Variants in LRRC40 observed in about 807,000 individuals in gnomAD.
The protein encoded by LRRC40 is leucine rich repeat containing 40, also known as leucine-rich repeat-containing protein 40.
Under a neutral mutation model 72.8 loss-of-function variants are expected in LRRC40, and 76 were observed. That is an observed-to-expected ratio of 1.04 (90% CI 0.87 to 1.26). The LOEUF is 1.26. Among genes scored for constraint, LRRC40 ranks in the 50% most tolerant of loss-of-function variants. LRRC40 has a pLI of 0.00. For synonymous variants in LRRC40, 243 were observed against 254.2 expected, an observed-to-expected ratio of 0.96 and a Z score of 0.42; for missense variants, 684 against 698.9, an observed-to-expected ratio of 0.98 and a Z score of 0.24.
In LRRC40 at chr1:70,152,481, A is replaced by T; in HGVS notation, c.1391T>A (p.Ile464Lys). The change falls in exon 12 of 15, where the codon ATA (isoleucine) becomes AAA (lysine). Residue 464 changes from isoleucine (I) to lysine (K), a missense_variant. Coordinates refer to ENST00000370952, the MANE Select transcript of LRRC40 (RefSeq NM_017768.5). ...VDLSFNKLSF[I>K]SLELCVLQKL... Reference sequence around the variant, plus strand: ...CTGAAGCACACATAACTCCAAGGATATAAAGGAAAGTTTATTAAAACTGAG... The same window carrying T: ...CTGAAGCACACATAACTCCAAGGATTTAAAGGAAAGTTTATTAAAACTGAG... 6.2e-7 allele frequency: 1 copy of T among 1,608,292 alleles called. No individual in the cohort carries two copies. The highest frequency in any genetic ancestry group is 8.5e-7 in the Non-Finnish European group (1 of 1,175,228).
intron 9 of LRRC40, among the ~76,000 whole-genome samples, chr1:70,170,784 C>T (rs925962824): frequency 6.6e-5 from 10 of 152,202 alleles, no homozygotes; most frequent in Admixed American, 5.2e-4. Context: ...GGATAATATT[C>T]CCCAAACTGA....
At chr1:70,198,904 A>T (rs1668673428) in intron 1 of LRRC40, among the ~76,000 whole-genome samples, 1 of 152,182 alleles carries the variant, frequency 6.6e-6, no homozygotes, top group Non-Finnish European at 1.5e-5. Context: ...TAATCCCAGC[A>T]CTTTGGGAGG....
chr1:70,191,085 G>A (rs1285902626), intron 1 of LRRC40, among the ~76,000 whole-genome samples: 2 of 151,208 alleles, frequency 1.3e-5, no homozygotes, highest in South Asian at 2.1e-4. Context: ...ACAGAAATGT[G>A]GTCACATATA....
At chr1:70,205,349 T>A in intron 1 of LRRC40, 41 bp downstream of exon 1, 1 of 1,510,986 alleles carries the variant, frequency 6.6e-7, no homozygotes, top group Non-Finnish European at 9.0e-7. Context: ...CCAAAGGCTT[T>A]CTGACAGGAG....
At chr1:70,202,777 T>C (rs532113515) in intron 1 of LRRC40, among the ~76,000 whole-genome samples, 1 of 152,292 alleles carries the variant, frequency 6.6e-6, no homozygotes, top group South Asian at 2.1e-4. Flanking sequence ...AACTCTAAGC[T>C]GGAGACAGAG....
At chr1:70,192,588 G>A (rs1490311526) in intron 1 of LRRC40, among the ~76,000 whole-genome samples, 2 of 152,042 alleles carry the variant, frequency 1.3e-5, no homozygotes, top group Non-Finnish European at 2.9e-5. Flanking sequence ...TGACAGACTG[G>A]TTAAAGAAAA....
chr1:70,165,886 G>A (rs1014899790), intron 9 of LRRC40, among the ~76,000 whole-genome samples: 5 of 152,144 alleles, frequency 3.3e-5, no homozygotes, highest in Non-Finnish European at 7.3e-5. Flanking sequence ...CTCTAGATAC[G>A]TATGTAGATT....
intron 7 of LRRC40, among the ~76,000 whole-genome samples, chr1:70,174,502 T>C (rs1187963846): frequency 6.6e-6 from 1 of 152,028 alleles, no homozygotes; most frequent in East Asian, 1.9e-4. Flanking sequence ...ATGTTTACAA[T>C]AGCAAAAAAT....
Position 70,198,963 on chromosome 1 carries a change from T to C in LRRC40, c.151+6427A>G, listed in dbSNP as rs1668674551. ...CTCAGGAGATCAAGACCAGCCTGGG[T>C]AACATAGCAAGACCTCATCTCTACA... On this transcript the variant is annotated intron_variant, in intron 1 of 14. Transcript: ENST00000370952. Among the ~76,000 whole-genome samples, 3 of 151,920 alleles carry C rather than the reference T, an allele frequency of 2.0e-5. No homozygotes were observed. In the South Asian group the frequency reaches 6.2e-4, roughly 32 times the overall value.
At position 70,183,756 on chromosome 1, in the gene LRRC40, G is replaced by T. The variant is rs377179853; in HGVS notation, c.537+1029C>A. Among the ~76,000 whole-genome samples, 40 of 152,012 alleles carry T rather than the reference G, an allele frequency of 2.6e-4. 1 individual carries two copies. In the East Asian group the frequency reaches 6.2e-3, roughly 24 times the overall value. On this transcript the variant is annotated intron_variant, in intron 4 of 14. Transcript: ENST00000370952. The stretch of plus-strand genomic sequence containing the variant: ...TTTGTAGAGACAGGTTTTTTGCCAT[G>T]TTTTCCAGGCTGGTCTCGAACTCCT...
Position 70,198,136 on chromosome 1 carries a change from G to A in LRRC40, c.151+7254C>T, listed in dbSNP as rs145636252. 2.9e-3 allele frequency among the ~76,000 whole-genome samples: 436 copies of A among 152,208 alleles called. 2 individuals are homozygous for A. The highest frequency in any genetic ancestry group is 9.7e-3 in the African/African-American group (404 of 41,534). On this transcript the variant is annotated intron_variant, in intron 1 of 14. Coordinates refer to ENST00000370952, the MANE Select transcript of LRRC40 (RefSeq NM_017768.5). ...GGCAAATTCTCATTACCCTAAAATA[G>A]TAGGTTTTCTTCATGATTAGGTGCC...
chr1:70,179,638 A>G (rs1342191974), intron 5 of LRRC40, among the ~76,000 whole-genome samples: 3 of 152,198 alleles, frequency 2.0e-5, no homozygotes, highest in African/African-American at 7.2e-5. Flanking sequence ...AAATTACTAT[A>G]AACTCAAATG....
rs571265356 is a variant in LRRC40 at position 70,154,679 on chromosome 1, A to G, written c.1328+1010T>C. ...CACTTTTTAAAAGCTTTAAACATCT[A>G]AAAAATTTTTGATAGTCAGATGAAA... is the stretch of plus-strand genomic sequence containing the variant. On this transcript the variant is annotated intron_variant, in intron 11 of 14. Transcript: ENST00000370952. 5.9e-5 allele frequency among the ~76,000 whole-genome samples: 9 copies of G among 152,294 alleles called. 1 individual carries two copies. The South Asian group carries it at 1.9e-3, about 32-fold the overall frequency.
At chr1:70,204,198 C>T (rs1440154499) in intron 1 of LRRC40, among the ~76,000 whole-genome samples, 1 of 152,206 alleles carries the variant, frequency 6.6e-6, no homozygotes, top group Non-Finnish European at 1.5e-5. Flanking sequence ...TTACTTATTG[C>T]TTCCGCAAAA....
intron 9 of LRRC40, among the ~76,000 whole-genome samples, chr1:70,167,492 G>T (rs558081857): frequency 5.2e-4 from 79 of 152,126 alleles, no homozygotes; most frequent in African/African-American, 1.9e-3. Flanking sequence ...CCTGGGAGGC[G>T]GAGGATGCAG....
In LRRC40 at chr1:70,187,156, T is replaced by C. The variant is rs1050761395; in HGVS notation, c.407+109A>G. 6 of 597,566 alleles carry C rather than the reference T, an allele frequency of 1.0e-5. No individual in the cohort carries two copies. In the African/African-American group the frequency reaches 1.2e-4, roughly 12 times the overall value. 37.0% of individuals were successfully genotyped at this position (597,566 alleles called of 1,614,324 possible). On this transcript the variant is annotated intron_variant, in intron 3 of 14. Transcript: ENST00000370952. Reference sequence around the variant, plus strand: ...CTTAAAATTCTTATTCTGCTTTAACTACTTTCTGAGATAATTCAAAGATAT... The same window carrying C: ...CTTAAAATTCTTATTCTGCTTTAACCACTTTCTGAGATAATTCAAAGATAT...
chr1:70,180,115 A>T (rs192680788), intron 5 of LRRC40: 2 of 152,094 alleles, frequency 1.3e-5, no homozygotes, highest in African/African-American at 4.8e-5. Context: ...TTTTTTTATT[A>T]ATTTATTTTA....
intron 9 of LRRC40, among the ~76,000 whole-genome samples, chr1:70,167,325 T>C (rs1366942190): frequency 3.3e-5 from 5 of 151,624 alleles, no homozygotes; most frequent in African/African-American, 1.2e-4. Context: ...TTTGAGAGGC[T>C]AAGGCAGGCA....
At chr1:70,179,101 C>A (rs1329395543) in intron 5 of LRRC40, 108 bp from the exon 6 acceptor site, 12 of 514,556 alleles carry the variant, frequency 2.3e-5, no homozygotes, top group Admixed American at 7.8e-5. Context: ...ACTTATGAAC[C>A]TGTGCCATAT....
Sources: gnomAD v4.1 joint callset for allele counts (sites outside exome capture counted in the v4.1 genomes callset) on GRCh38, gnomAD v4.1.1 for gene constraint, MANE v1.5 for transcripts, NCBI Gene and HGNC (gene_info 2026-07-23, HGNC 2026-07-21) for gene names.